Variants in PRRC2A observed in about 807,000 individuals in gnomAD.
The protein encoded by PRRC2A is proline rich coiled-coil 2A.
A neutral mutation model predicts 224.6 loss-of-function variants in PRRC2A; 59 were observed. That is an observed-to-expected ratio of 0.26 (90% CI 0.21 to 0.33). The LOEUF is 0.33. PRRC2A is among the 10% of genes least tolerant of loss of function. The pLI is 1.00. For missense variants in PRRC2A, 3,095 were observed against 2,880.7 expected, an observed-to-expected ratio of 1.07 and a Z score of -1.70; for synonymous variants, 1,194 against 1,109.5, an observed-to-expected ratio of 1.08 and a Z score of -1.51.
Position 31,629,765 on chromosome 6 carries a change from T to C in PRRC2A, c.2174T>C (p.Met725Thr), listed in dbSNP as rs751650206. The C allele has an allele frequency of 3.1e-6, 5 of 1,613,396 alleles. No individual in the cohort carries two copies. The highest frequency in any genetic ancestry group is 4.2e-6 in the Non-Finnish European group (5 of 1,179,724). Reference sequence around the variant, plus strand: ...ATGAACTTTGATCCCCGATGGATGATGATTCCTCCTTATGTGGACCCCCGG... The same window carrying C: ...ATGAACTTTGATCCCCGATGGATGACGATTCCTCCTTATGTGGACCCCCGG... ...PPMNFDPRWM[M>T]IPPYVDPRLL... Residue 725 changes from methionine (M) to threonine (T), a missense_variant, in exon 14 of 31, where the codon ATG becomes ACG. Coordinates refer to ENST00000376033, the MANE Select transcript of PRRC2A (RefSeq NM_004638.4).
intron 18 of PRRC2A, 71 bp from the exon 19 acceptor site, chr6:31,634,165 C>G (rs1433014380): frequency 6.4e-7 from 1 of 1,567,756 alleles, no homozygotes; most frequent in Non-Finnish European, 8.6e-7. Flanking sequence ...TCACCCCACT[C>G]TGTCCTGGCT....
chr6:31,636,248 C>G lies in PRRC2A; in HGVS notation c.5664C>G (p.Pro1888=), dbSNP rs764082905. ...PLYLPPGPAP[P]SALLSGLALK... Reference sequence around the variant, plus strand: ...ACCTACCCCCCGGCCCAGCCCCTCCCTCAGCACTGCTCTCTGGGTTAGCTC... The same window carrying G: ...ACCTACCCCCCGGCCCAGCCCCTCCGTCAGCACTGCTCTCTGGGTTAGCTC... The change falls in exon 26 of 31, where the codon CCC becomes CCG. Residue 1888 remains proline (P), a synonymous_variant. Transcript: ENST00000376033. The surrounding 1 kb of genome is among the most constrained non-coding windows in gnomAD (Gnocchi z 4.3). 22 of 1,612,854 alleles carry G rather than the reference C, an allele frequency of 1.4e-5. No individual in the cohort carries two copies. Among genetic ancestry groups the G allele is most frequent in the Non-Finnish European group, 1.7e-5 (20 of 1,179,950 alleles).
In PRRC2A at chr6:31,629,795, T is replaced by A; in HGVS notation, c.2204T>A (p.Leu735His). The change falls in exon 14 of 31, where the codon CTC becomes CAC. Residue 735 changes from leucine (L) to histidine (H), a missense_variant. Leu to His is a moderately conservative substitution (Grantham distance 99). Coordinates refer to ENST00000376033, the MANE Select transcript of PRRC2A (RefSeq NM_004638.4). ...CCTCCTTATGTGGACCCCCGGCTCC[T>A]CCAGGGTCGTCCCCCTCTAGACTTC... Reference protein sequence around the residue: ...MIPPYVDPRLLQGRPPLDFYP... With the variant: ...MIPPYVDPRLHQGRPPLDFYP... The A allele has an allele frequency of 3.7e-6, 6 of 1,613,652 alleles. No individual in the cohort carries two copies. The highest frequency in any genetic ancestry group is 5.1e-6 in the Non-Finnish European group (6 of 1,179,696).
chr6:31,635,776 C>A (rs749210592), intron 24 of PRRC2A, 27 bp downstream of exon 24: 2 of 1,555,240 alleles, frequency 1.3e-6, no homozygotes, highest in Admixed American at 2.0e-5. Context: ...ATTGCATGAC[C>A]CCTTCAGTGA....
At position 31,635,403 on chromosome 6, in the gene PRRC2A, TTAC is replaced by T; in HGVS notation, c.5312_5314del (p.Leu1771_Arg1772delinsCys). On this transcript the variant is annotated inframe_deletion, in exon 23 of 31. Transcript: ENST00000376033. Reference sequence around the variant, plus strand: ...CTTCTTGTGATCACAGGACTCAGACTTACGCCTAGTGGTAGGAGACAGCTTGAA... The same window carrying T: ...CTTCTTGTGATCACAGGACTCAGACTGCCTAGTGGTAGGAGACAGCTTGAA... 1.9e-6 allele frequency: 3 copies of T among 1,614,198 alleles called. No homozygotes were observed. Among genetic ancestry groups the T allele is most frequent in the Non-Finnish European group, 1.7e-6 (2 of 1,180,024 alleles).
chr6:31,633,949 G>T lies in PRRC2A; in HGVS notation c.4679G>T (p.Arg1560Leu). 3 of 1,601,668 alleles carry T rather than the reference G, an allele frequency of 1.9e-6. No individual in the cohort carries two copies. Among genetic ancestry groups the T allele is most frequent in the Non-Finnish European group, 2.5e-6 (3 of 1,177,096 alleles). ...GGGGTTAGTCCCTTTCCCCCTAAAC[G>T]TCGGGAGCGGCCTCCCAGAAAACCA... ...SAGVSPFPPKRRERPPRKPEL... is the reference protein window; with the variant it reads ...SAGVSPFPPKLRERPPRKPEL... Residue 1560 changes from arginine to leucine, a missense_variant, in exon 18 of 31, where the codon CGT becomes CTT. Around this residue, in one of 8 missense-constraint regions of PRRC2A, gnomAD observed 2,001 missense variants for 1,764.9 expected, o/e 1.13. Transcript: ENST00000376033.
chr6:31,635,426 C>G lies in PRRC2A; in HGVS notation c.5334C>G (p.Ser1778Arg), dbSNP rs1451578256. ...DSDLRLVVGD[S>R]LKAEKELTAS... is the part of the protein sequence containing the mutation. ...ACTTACGCCTAGTGGTAGGAGACAG[C>G]TTGAAAGCAGAGAAGGAGCTAACAG... Residue 1778 changes from serine (S) to arginine (R), a missense_variant, in exon 23 of 31, where the codon AGC becomes AGG. Around this residue, in one of 8 missense-constraint regions of PRRC2A, gnomAD observed 662 missense variants for 609.5 expected, o/e 1.09. Transcript: ENST00000376033. 1 of 1,614,116 alleles carries G rather than the reference C, an allele frequency of 6.2e-7. No homozygotes were observed. The highest frequency in any genetic ancestry group is 1.3e-5 in the African/African-American group (1 of 74,938).
Position 31,633,841 on chromosome 6 carries a change from C to A in PRRC2A, c.4589-18C>A. The stretch of plus-strand genomic sequence containing the variant: ...GTGGCAGAGCCAGGCAGATGCTGAC[C>A]CTTTTTCTCTTTCCCAGACCCCCAC... On this transcript the variant is annotated intron_variant, in intron 17 of 30. Transcript: ENST00000376033. 2.5e-6 allele frequency: 4 copies of A among 1,571,698 alleles called. No homozygotes were observed. The highest frequency in any genetic ancestry group is 2.3e-5 in the East Asian group (1 of 44,428).
rs1448562698 is a variant in PRRC2A, at chr6:31,635,027, G to A, written c.5160+50G>A. 3 of 1,600,868 alleles carry A rather than the reference G, an allele frequency of 1.9e-6. No homozygotes were observed. In the African/African-American group the frequency reaches 4.0e-5, roughly 21 times the overall value. On this transcript the variant is annotated intron_variant, in intron 21 of 30. Transcript: ENST00000376033. ...GGAATGTTTCCAGGAATCTGACTTT[G>A]GCCCTACCTTTTTCTGCTTTTTCTC...
At position 31,631,183 on chromosome 6, in the gene PRRC2A, G is replaced by T. The variant is rs1231031135; in HGVS notation, c.2510G>T (p.Ser837Ile). 1 of 1,578,338 alleles carries T rather than the reference G, an allele frequency of 6.3e-7. No homozygotes were observed. The highest frequency in any genetic ancestry group is 8.6e-7 in the Non-Finnish European group (1 of 1,163,466). Reference sequence around the variant, plus strand: ...CCTCCCCCACCACCCTATCTGGCCAGTTATCCAGGCTTTCCTGAGAATGGA... The same window carrying T: ...CCTCCCCCACCACCCTATCTGGCCATTTATCCAGGCTTTCCTGAGAATGGA... ...PVPPPPPYLA[S>I]YPGFPENGAP... Residue 837 changes from serine to isoleucine, a missense_variant, in exon 16 of 31, where the codon AGT (serine) becomes ATT (isoleucine). Ser to Ile is a moderately radical substitution (Grantham distance 142). Coordinates refer to ENST00000376033, the MANE Select transcript of PRRC2A (RefSeq NM_004638.4). The surrounding 1 kb of genome is among the most constrained non-coding windows in gnomAD (Gnocchi z 4.5).
chr6:31,636,775 T>C lies in PRRC2A; in HGVS notation c.5977T>C (p.Phe1993Leu). The C allele has an allele frequency of 1.2e-6, 2 of 1,607,274 alleles. No individual in the cohort carries two copies. The highest frequency in any genetic ancestry group is 1.7e-6 in the Non-Finnish European group (2 of 1,179,994). Residue 1993 changes from phenylalanine to leucine, a missense_variant, in exon 28 of 31, where the codon TTT (phenylalanine) becomes CTT (leucine). Phe to Leu is a conservative substitution (Grantham distance 22). Transcript: ENST00000376033. This position sits in a 1 kb window ranked among gnomAD's most constrained non-coding sequence, Gnocchi z 4.3. ...MVDSQLPVVN[F>L]GSLPPAPPPA... ...AGACTCACAGCTGCCTGTGGTGAACTTTGGCTCCCTGCCGCCAGCACCACC... is the reference window on the plus strand; with the variant it reads ...AGACTCACAGCTGCCTGTGGTGAACCTTGGCTCCCTGCCGCCAGCACCACC...
rs901962287 is a variant in PRRC2A at position 31,632,798 on chromosome 6, G to A, written c.4125G>A (p.Gln1375=). The A allele has an allele frequency of 2.5e-5, 40 of 1,613,014 alleles. No homozygotes were observed. In the African/African-American group the frequency reaches 5.3e-4, roughly 22 times the overall value. ...ISAMSRGDLS[Q]RAKDLSKRSF... is the part of the protein sequence containing the mutation. ...CCATGTCCCGCGGAGATCTGAGCCAGAGAGCCAAGGATTTGAGTAAACGGA... is the reference window on the plus strand; with the variant it reads ...CCATGTCCCGCGGAGATCTGAGCCAAAGAGCCAAGGATTTGAGTAAACGGA... The change falls in exon 16 of 31, where the codon CAG becomes CAA. Residue 1375 remains glutamine (Q), a synonymous_variant. Transcript: ENST00000376033.
At chr6:31,630,864 G>C in intron 15 of PRRC2A, 63 bp downstream of exon 15, 1 of 1,565,558 alleles carries the variant, frequency 6.4e-7, no homozygotes. Flanking sequence ...TGGGAGAAAG[G>C]TACTTTGGGT....
intron 9 of PRRC2A, 145 bp downstream of exon 9, chr6:31,626,307 C>G: frequency 9.4e-7 from 1 of 1,061,620 alleles, no homozygotes; most frequent in South Asian, 1.6e-5. Context: ...AATCCCAGTG[C>G]TTTGGGAGTG....
At chr6:31,630,340 A>G (rs1776405881) in intron 14 of PRRC2A, among the ~76,000 whole-genome samples, 1 of 151,920 alleles carries the variant, frequency 6.6e-6, no homozygotes, top group Non-Finnish European at 1.5e-5. Flanking sequence ...GAATAGCACA[A>G]CTCCATCTCA....
At position 31,636,330 on chromosome 6, in the gene PRRC2A, C is replaced by T. The variant is rs779505478; in HGVS notation, c.5746C>T (p.Pro1916Ser). ...GCAAGCTACAGAGCTGGGGAAGTTG[C>T]CGGCTGGAGGAGTTCTCTACCCTCC... ...TMQATELGKLPAGGVLYPPPS... is the reference protein window; with the variant it reads ...TMQATELGKLSAGGVLYPPPS... The change falls in exon 26 of 31, where the codon CCG becomes TCG. Residue 1916 changes from proline to serine, a missense_variant. This residue lies in a region of PRRC2A where 662 missense variants were observed against 609.5 expected (regional missense o/e 1.09). Coordinates refer to ENST00000376033, the MANE Select transcript of PRRC2A (RefSeq NM_004638.4). The surrounding 1 kb of genome is among the most constrained non-coding windows in gnomAD (Gnocchi z 4.3). 6.2e-7 allele frequency: 1 copy of T among 1,613,034 alleles called. No individual in the cohort carries two copies. The highest frequency in any genetic ancestry group is 8.5e-7 in the Non-Finnish European group (1 of 1,180,026).
intron 22 of PRRC2A, 42 bp from the exon 23 acceptor site, chr6:31,635,352 G>A: frequency 6.2e-7 from 1 of 1,613,868 alleles, no homozygotes; most frequent in Non-Finnish European, 8.5e-7. Flanking sequence ...GAGGACACAT[G>A]TCTGTCACGG....
chr6:31,632,268 A>G lies in PRRC2A; in HGVS notation c.3595A>G (p.Thr1199Ala), dbSNP rs1382474446. 1.9e-6 allele frequency: 3 copies of G among 1,612,974 alleles called. No homozygotes were observed. Among genetic ancestry groups the G allele is most frequent in the Admixed American group, 1.7e-5 (1 of 60,016 alleles). Residue 1199 changes from threonine (T) to alanine (A), a missense_variant, in exon 16 of 31, where the codon ACA becomes GCA. By Grantham distance (58) the Thr-to-Ala change is moderately conservative (BLOSUM62 0). Transcript: ENST00000376033. ...GTCTCTGGCTCCCAAGAAACCTCCC[A>G]CAGGCCCTTTGCCACCAAGTAAGGA... ...AKSLAPKKPP[T>A]GPLPPSKEPL...
chr6:31,624,609 G>A (rs1775685975), intron 5 of PRRC2A, 87 bp downstream of exon 5: 18 of 1,429,938 alleles, frequency 1.3e-5, no homozygotes, highest in Non-Finnish European at 1.8e-5. Context: ...AGTGACCTTG[G>A]TCCTCTTTGG....
Sources: gnomAD v4.1 joint callset for allele counts (sites outside exome capture counted in the v4.1 genomes callset) on GRCh38, gnomAD v4.1.1 for gene constraint, gnomAD v4.1.1 regional missense constraint, Gnocchi (gnomAD v3.1) non-coding constraint, MANE v1.5 for transcripts, NCBI Gene and HGNC (gene_info 2026-07-23, HGNC 2026-07-21) for gene names.